FAM76A: variants seen among roughly 807,000 people sequenced by gnomAD.
FAM76A encodes the protein protein FAM76A.
A neutral mutation model predicts 46.2 loss-of-function variants in FAM76A; 32 were observed. That is an observed-to-expected ratio of 0.69 (90% CI 0.52 to 0.93). FAM76A has a LOEUF of 0.93. Among genes scored for constraint, FAM76A ranks in the 40% least tolerant of loss-of-function variants. The pLI is 0.00. For synonymous variants in FAM76A, 137 were observed against 127.0 expected (o/e 1.08, Z -0.53); for missense variants, 274 against 361.5 (o/e 0.76, Z 1.96).
chr1:27,749,182 C>G (rs1222016014), intron 6 of FAM76A, 28 bp downstream of exon 6: 34 of 1,499,358 alleles, frequency 2.3e-5, no homozygotes, highest in Non-Finnish European at 3.0e-5. Context: ...TGTGTGCGCA[C>G]ACATTTGAAA....
At chr1:27,757,708 G>A (rs2148587846) in intron 7 of FAM76A, among the ~76,000 whole-genome samples, 1 of 152,104 alleles carries the variant, frequency 6.6e-6, no homozygotes, top group Middle Eastern at 3.4e-3. Context: ...CGGGCTTGGT[G>A]GCTCATGCCT....
intron 8 of FAM76A, chr1:27,759,900 G>A (rs1425529837): frequency 1.3e-5 from 7 of 523,572 alleles, no homozygotes; most frequent in African/African-American, 7.7e-5. Context: ...TCCAAGTAGC[G>A]AAGACCACAG....
intron 7 of FAM76A, among the ~76,000 whole-genome samples, chr1:27,755,934 A>C (rs1182089744): frequency 6.6e-6 from 1 of 152,198 alleles, no homozygotes; most frequent in East Asian, 1.9e-4. Flanking sequence ...ACCAGTGTTC[A>C]CATCTCAGTT....
intron 7 of FAM76A, among the ~76,000 whole-genome samples, chr1:27,758,706 A>G (rs924843279): frequency 1.4e-5 from 2 of 139,964 alleles, no homozygotes; most frequent in African/African-American, 5.2e-5. Flanking sequence ...TTTTGTAGAC[A>G]TGGGGTTTCA....
At chr1:27,730,672 T>G (rs1339308528) in intron 2 of FAM76A, among the ~76,000 whole-genome samples, 1 of 152,220 alleles carries the variant, frequency 6.6e-6, no homozygotes, top group Non-Finnish European at 1.5e-5. Context: ...TTACTGTCTT[T>G]TAAAAGTAAC....
Position 27,744,810 on chromosome 1 carries a change from A to G in FAM76A, c.511A>G (p.Ser171Gly). The change falls in exon 5 of 9, where the codon AGC becomes GGC. Residue 171 changes from serine (S) to glycine (G), a missense_variant and splice_region_variant. Transcript: ENST00000373954. ...CCTGAGTGGTGGTGGCCATTATAAC[A>G]GGTAACCTCAAGACACATGAGATGG... ...SRLSGGGHYNSQKTLSTSSIQ... is the reference protein window; with the variant it reads ...SRLSGGGHYNGQKTLSTSSIQ... 6.2e-7 allele frequency: 1 copy of G among 1,613,844 alleles called. No homozygotes were observed. The highest frequency in any genetic ancestry group is 8.5e-7 in the Non-Finnish European group (1 of 1,179,804).
intron 7 of FAM76A, among the ~76,000 whole-genome samples, chr1:27,757,800 C>T (rs1019553451): frequency 2.1e-4 from 32 of 152,220 alleles, no homozygotes; most frequent in Non-Finnish European, 3.7e-4. Flanking sequence ...CACGGTGAAA[C>T]CCTGTCTCTA....
intron 5 of FAM76A, among the ~76,000 whole-genome samples, chr1:27,745,905 A>G (rs1056719702): frequency 1.3e-4 from 20 of 152,110 alleles, no homozygotes; most frequent in Admixed American, 3.9e-4. Flanking sequence ...TGGGGAATGG[A>G]AGGAAAAAGG....
chr1:27,752,197 CTT>C (rs2088343126), intron 6 of FAM76A, among the ~76,000 whole-genome samples: 1 of 152,156 alleles, frequency 6.6e-6, no homozygotes, highest in African/African-American at 2.4e-5. Context: ...ATTCTCTTCT[CTT>C]ATTTAATATT....
intron 4 of FAM76A, among the ~76,000 whole-genome samples, chr1:27,741,342 C>T (rs1221908169): frequency 6.6e-6 from 1 of 151,868 alleles, no homozygotes. Context: ...TGTGCCACCA[C>T]GCCCAGCTAA....
chr1:27,740,646 A>G (rs745633570), intron 4 of FAM76A: 22 of 571,204 alleles, frequency 3.9e-5, no homozygotes, highest in African/African-American at 3.4e-4. Context: ...AAGGAGCCCA[A>G]TGTTGCTGCT....
chr1:27,747,815 G>GA (rs1251621647), intron 5 of FAM76A, among the ~76,000 whole-genome samples: 1 of 152,120 alleles, frequency 6.6e-6, no homozygotes, highest in Non-Finnish European at 1.5e-5. Flanking sequence ...AGCTATTCGG[G>GA]AGGCTGAGGT....
chr1:27,761,113 G>A lies in FAM76A; in HGVS notation c.*532G>A, dbSNP rs1224599872. ...TCTCCAATAAACCTTTTGCTTCAGG[G>A]TATACTCTTCGGTTTTTTTCCAGAT... On this transcript the variant is annotated 3_prime_UTR_variant, in exon 9 of 9. Transcript: ENST00000373954. 6.6e-6 allele frequency: 1 copy of A among 150,904 alleles called. No individual in the cohort carries two copies. The highest frequency in any genetic ancestry group is 1.5e-5 in the Non-Finnish European group (1 of 67,688). 9.3% of individuals were successfully genotyped at this position (150,904 alleles called of 1,614,324 possible). A position where few individuals can be genotyped will look rare whatever the true frequency, so the allele number is the denominator to read the frequency against.
chr1:27,760,478 A>ATTTTTTTT lies in FAM76A; in HGVS notation c.838-14_838-7dup. 1 of 1,331,054 alleles carries ATTTTTTTT rather than the reference A, an allele frequency of 7.5e-7. No homozygotes were observed. Among genetic ancestry groups the ATTTTTTTT allele is most frequent in the Non-Finnish European group, 1.0e-6 (1 of 961,820 alleles). 82.5% of individuals were successfully genotyped at this position (1,331,054 alleles called of 1,614,324 possible). Reference sequence around the variant, plus strand: ...TGTTTGAAACATCCTTCTTGCACTGATTTTTTTTTTCTTTAGGCCAAAAAC... The same window carrying ATTTTTTTT: ...TGTTTGAAACATCCTTCTTGCACTGATTTTTTTTTTTTTTTTTTCTTTAGGCCAAAAAC... On this transcript the variant is annotated splice_polypyrimidine_tract_variant and intron_variant, in intron 8 of 8. Transcript: ENST00000373954.
chr1:27,747,411 A>C (rs1214182876), intron 5 of FAM76A, among the ~76,000 whole-genome samples: 2 of 152,228 alleles, frequency 1.3e-5, no homozygotes, highest in African/African-American at 4.8e-5. Flanking sequence ...CAGTGGTATC[A>C]AATGCTGAAG....
At chr1:27,733,331 T>C (rs1207568630) in intron 3 of FAM76A, among the ~76,000 whole-genome samples, 1 of 152,202 alleles carries the variant, frequency 6.6e-6, no homozygotes, top group Non-Finnish European at 1.5e-5. Context: ...GTTCAGGATG[T>C]TATGTGCTTG....
At chr1:27,733,688 A>G (rs1307212036) in intron 3 of FAM76A, among the ~76,000 whole-genome samples, 1 of 152,120 alleles carries the variant, frequency 6.6e-6, no homozygotes, top group East Asian at 1.9e-4. Flanking sequence ...TCTCTAGGAA[A>G]TAATACAAAA....
At chr1:27,740,267 T>A in intron 4 of FAM76A, 1 of 735,888 alleles carries the variant, frequency 1.4e-6, no homozygotes, top group Non-Finnish European at 2.5e-6. Flanking sequence ...TTGAAGACAT[T>A]TGGGAGAATG....
Position 27,761,530 on chromosome 1 carries a change from C to A in FAM76A, c.*949C>A, listed in dbSNP as rs2088510277. On this transcript the variant is annotated 3_prime_UTR_variant, in exon 9 of 9. Transcript: ENST00000373954. ...GGACACTTCTCTCCCCACCCCTTTCCTGATTGTTTTATGTGATTGATTTTA... is the reference window on the plus strand; with the variant it reads ...GGACACTTCTCTCCCCACCCCTTTCATGATTGTTTTATGTGATTGATTTTA... 1 of 152,616 alleles carries A rather than the reference C, an allele frequency of 6.6e-6. No individual in the cohort carries two copies. The highest frequency in any genetic ancestry group is 1.5e-5 in the Non-Finnish European group (1 of 68,042). The allele number at this position is 152,616 out of a possible 1,614,324, so 9.5% of individuals were successfully genotyped here. A position where few individuals can be genotyped will look rare whatever the true frequency, so the allele number is the denominator to read the frequency against.
Sources: allele counts gnomAD v4.1 joint callset (sites outside exome capture counted in the v4.1 genomes callset), GRCh38; gene constraint gnomAD v4.1.1; transcripts MANE v1.5; gene names NCBI Gene and HGNC (gene_info 2026-07-23, HGNC 2026-07-21).